The following STPG2 variants were observed in gnomAD, a reference collection of about 807,000 sequenced individuals.
STPG2 encodes sperm-tail PG-rich repeat-containing protein 2.
A neutral mutation model predicts 54.2 loss-of-function variants in STPG2; 56 were observed. The ratio of observed to expected loss-of-function variants is 1.03; its 90% CI spans 0.83 to 1.29. The LOEUF (loss-of-function observed/expected upper bound fraction) is 1.29, where lower values mean the gene tolerates loss of function less well. STPG2 is among the 50% of genes most tolerant of loss of function. The pLI, the probability that STPG2 is intolerant of heterozygous loss-of-function variation, is 0.00. For synonymous variants in STPG2, 200 were observed against 181.8 expected, an observed-to-expected ratio of 1.10 and a Z score of -0.81; for missense variants, 596 against 544.9, an observed-to-expected ratio of 1.09 and a Z score of -0.93.
intron 4 of STPG2, among the ~76,000 whole-genome samples, chr4:97,535,725 C>T (rs764399802): frequency 5.3e-5 from 8 of 152,030 alleles, no homozygotes; most frequent in Non-Finnish European, 1.2e-4. Flanking sequence ...GTGTTTTATG[C>T]CTATGCTGCT....
chr4:97,590,778 C>T (rs189943862), intron 10 of STPG2, among the ~76,000 whole-genome samples: 1 of 151,712 alleles, frequency 6.6e-6, no homozygotes, highest in East Asian at 1.9e-4. Context: ...ATATTAATGC[C>T]TATATATTGC....
At chr4:97,905,033 C>T (rs1356979213) in intron 8 of STPG2, among the ~76,000 whole-genome samples, 9 of 151,954 alleles carry the variant, frequency 5.9e-5, no homozygotes, top group South Asian at 2.1e-4. Flanking sequence ...AAACACTCTG[C>T]AGGATATTAT....
rs541098189 is a variant in STPG2 at position 97,606,184 on chromosome 4, T to C, written c.1321-47067A>G. Among the ~76,000 whole-genome samples the C allele has an allele frequency of 1.6e-4, 24 of 152,034 alleles. No homozygotes were observed. The South Asian group carries it at 4.3e-3, about 28-fold the overall frequency. ...TTTTGTGATTTTATTGCATGACCTT[T>C]GGCTGCATCATTGTATGTGTTCTTA... On this transcript the variant is annotated intron_variant, in intron 10 of 10. Transcript: ENST00000295268.
intron 9 of STPG2, among the ~76,000 whole-genome samples, chr4:97,739,864 G>C: frequency 6.6e-6 from 1 of 152,054 alleles, no homozygotes; most frequent in East Asian, 1.9e-4. Context: ...CTCATTTTAT[G>C]ATGCCAGCAT....
intron 4 of STPG2, among the ~76,000 whole-genome samples, chr4:97,538,582 TGA>T (rs1308610078): frequency 7.9e-5 from 12 of 152,138 alleles, no homozygotes; most frequent in Non-Finnish European, 1.6e-4. Flanking sequence ...TACCTGAAAG[TGA>T]TGGGGAGAAT....
At chr4:97,926,864 C>A (rs1178953511) in intron 8 of STPG2, among the ~76,000 whole-genome samples, 1 of 151,980 alleles carries the variant, frequency 6.6e-6, no homozygotes, top group Non-Finnish European at 1.5e-5. Flanking sequence ...ATAACTCTAC[C>A]ATTTTTACAA....
intron 10 of STPG2, among the ~76,000 whole-genome samples, chr4:97,672,081 A>T (rs1489343129): frequency 6.6e-6 from 1 of 152,092 alleles, no homozygotes; most frequent in Non-Finnish European, 1.5e-5. Context: ...GTCACAAAAA[A>T]AATTAAACAG....
chr4:97,441,692 T>A (rs1002709144), intron 4 of STPG2: 1 of 152,024 alleles, frequency 6.6e-6, no homozygotes, highest in Non-Finnish European at 1.5e-5. Flanking sequence ...CCAAATTAAC[T>A]AAATCTCATT....
intron 10 of STPG2, among the ~76,000 whole-genome samples, chr4:97,697,317 T>C (rs1723609576): frequency 1.3e-5 from 2 of 152,148 alleles, no homozygotes; most frequent in South Asian, 4.1e-4. Flanking sequence ...TCTACAAACT[T>C]GTCTTTGGAT....
intron 5 of STPG2, chr4:98,025,531 C>A: frequency 1.4e-6 from 1 of 689,782 alleles, no homozygotes; most frequent in Non-Finnish European, 2.7e-6. Context: ...CACCCAAATA[C>A]AGGATGATAG....
chr4:98,079,101 A>G (rs939725227), intron 5 of STPG2, among the ~76,000 whole-genome samples: 1 of 152,198 alleles, frequency 6.6e-6, no homozygotes, highest in African/African-American at 2.4e-5. Context: ...GATGCTCAAA[A>G]TAGTTATATT....
intron 7 of STPG2, among the ~76,000 whole-genome samples, chr4:97,952,154 C>T (rs1733496356): frequency 6.6e-6 from 1 of 152,114 alleles, no homozygotes. Context: ...CACACCTGAA[C>T]CTGAAAGGTG....
At chr4:97,905,991 G>A (rs540941704) in intron 8 of STPG2, among the ~76,000 whole-genome samples, 2 of 152,230 alleles carry the variant, frequency 1.3e-5, no homozygotes, top group South Asian at 2.1e-4. Flanking sequence ...TCAAAAGCCA[G>A]CAGAAGGCAA....
At chr4:97,890,446 T>C (rs150582721) in intron 8 of STPG2, among the ~76,000 whole-genome samples, 1 of 152,094 alleles carries the variant, frequency 6.6e-6, no homozygotes, top group African/African-American at 2.4e-5. Flanking sequence ...AACTTCTAAA[T>C]GTTGCATAAA....
At chr4:97,759,736 TGGAG>T (rs2149052416) in intron 9 of STPG2, among the ~76,000 whole-genome samples, 1 of 152,292 alleles carries the variant, frequency 6.6e-6, no homozygotes, top group Admixed American at 6.5e-5. Flanking sequence ...ACTTGTTTGC[TGGAG>T]TTTCAGGTGC....
intron 9 of STPG2, among the ~76,000 whole-genome samples, chr4:97,798,222 T>C (rs1727266877): frequency 6.6e-6 from 1 of 152,192 alleles, no homozygotes; most frequent in African/African-American, 2.4e-5. Flanking sequence ...TGCCTTCTGC[T>C]AGCTTTTGAA....
rs561642412 is a variant in STPG2, at chr4:97,851,730, A to C, written c.1045-10798T>G. On this transcript the variant is annotated intron_variant, in intron 8 of 10. Transcript: ENST00000295268. ...GTCTCCAGGTAGTTAAATTTGATTA[A>C]TATTTAATGTGAGATGCATTTTCTT... is the stretch of plus-strand genomic sequence containing the variant. Among the ~76,000 whole-genome samples, 265 of 152,326 alleles carry C rather than the reference A, an allele frequency of 1.7e-3. 2 individuals are homozygous for C. Among genetic ancestry groups the C allele is most frequent in the African/African-American group, 5.9e-3 (247 of 41,570 alleles).
At chr4:97,830,786 A>G (rs1408996136) in intron 9 of STPG2, among the ~76,000 whole-genome samples, 1 of 152,212 alleles carries the variant, frequency 6.6e-6, no homozygotes, top group Non-Finnish European at 1.5e-5. Flanking sequence ...AGGGTATTAC[A>G]TAATGGTAAA....
chr4:98,055,107 G>C (rs192153285), intron 5 of STPG2, among the ~76,000 whole-genome samples: 20 of 152,170 alleles, frequency 1.3e-4, no homozygotes, highest in African/African-American at 4.6e-4. Flanking sequence ...AGATCATGAA[G>C]ACCTGAAACA....
Sources: allele counts gnomAD v4.1 joint callset (sites outside exome capture counted in the v4.1 genomes callset), GRCh38; gene constraint gnomAD v4.1.1; transcripts MANE v1.5; gene names NCBI Gene and HGNC (gene_info 2026-07-23, HGNC 2026-07-21).